CDH1: variants seen among roughly 807,000 people sequenced by gnomAD.
The protein encoded by CDH1 is cadherin-1.
Under a neutral mutation model 84.5 loss-of-function variants are expected in CDH1, and 35 were observed. That is an observed-to-expected ratio of 0.41 (90% CI 0.32 to 0.55). The LOEUF is 0.55. CDH1 is among the 20% of genes least tolerant of loss of function. CDH1 has a pLI of 0.19. For missense variants in CDH1, 994 were observed against 1,126.6 expected (o/e 0.88, Z 1.68); for synonymous variants, 417 against 439.0 (o/e 0.95, Z 0.63).
chr16:68,833,194 G>T (rs1010685390), intron 15 of CDH1, 96 bp from the exon 16 acceptor site: 8 of 998,662 alleles, frequency 8.0e-6, no homozygotes, highest in Middle Eastern at 2.6e-4. Flanking sequence ...AAGTCTGGGT[G>T]CATTGTCGTA....
intron 15 of CDH1, among the ~76,000 whole-genome samples, chr16:68,831,243 T>C (rs1413191409): frequency 7.8e-6 from 1 of 128,278 alleles, no homozygotes; most frequent in Non-Finnish European, 1.6e-5. Flanking sequence ...CAAGCCTGGC[T>C]TTTTTTTTTT....
intron 13 of CDH1, 41 bp downstream of exon 13, chr16:68,823,667 A>T: frequency 7.6e-7 from 1 of 1,316,918 alleles, no homozygotes; most frequent in Non-Finnish European, 1.1e-6. Context: ...TGACTTAAAA[A>T]AATGGAGGAG....
intron 2 of CDH1, among the ~76,000 whole-genome samples, chr16:68,753,617 G>A (rs1027559630): frequency 6.6e-5 from 10 of 152,112 alleles, no homozygotes; most frequent in South Asian, 2.1e-4. Context: ...GATTACAGGC[G>A]TGAGCCACCG....
At chr16:68,756,548 C>T (rs111928009) in intron 2 of CDH1, among the ~76,000 whole-genome samples, 2 of 152,234 alleles carry the variant, frequency 1.3e-5, no homozygotes, top group African/African-American at 4.8e-5. Context: ...CTGTTAGCTT[C>T]GTGCTAAAAG....
In CDH1 at chr16:68,808,832, G is replaced by T. The variant is rs201511530; in HGVS notation, c.671G>T (p.Arg224Leu). 4 of 1,613,860 alleles carry T rather than the reference G, an allele frequency of 2.5e-6. No homozygotes were observed. The highest frequency in any genetic ancestry group is 3.4e-6 in the Non-Finnish European group (4 of 1,179,974). ...GTGACAGAGCCTCTGGATAGAGAACGCATTGCCACATACACTGTAAGTATC... is the reference window on the plus strand; with the variant it reads ...GTGACAGAGCCTCTGGATAGAGAACTCATTGCCACATACACTGTAAGTATC... ...LKVTEPLDRE[R>L]IATYTLFSHA... The change falls in exon 5 of 16, where the codon CGC (arginine) becomes CTC (leucine). Residue 224 changes from arginine (R) to leucine (L), a missense_variant. By Grantham distance (102) the Arg-to-Leu change is moderately radical. Around this residue, in one of 3 missense-constraint regions of CDH1, gnomAD observed 769 missense variants for 881.8 expected, o/e 0.87. Transcript: ENST00000261769.
chr16:68,743,324 TTTC>T (rs1447828727), intron 2 of CDH1, among the ~76,000 whole-genome samples: 87 of 23,544 alleles, frequency 3.7e-3, no homozygotes, highest in Non-Finnish European at 5.3e-3. Context: ...TCTTTCTTTC[TTTC>T]TTTCTTTCTT....
In CDH1 at chr16:68,767,355, C is replaced by T. The variant is rs571934739; in HGVS notation, c.163+28944C>T. On this transcript the variant is annotated intron_variant, in intron 2 of 15. Transcript: ENST00000261769. ...GATTACAGGGGTGTGCCACCATGCC[C>T]GGCTAATTTTTTTTGTATTTTTAGT... Among the ~76,000 whole-genome samples, 610 of 152,128 alleles carry T rather than the reference C, an allele frequency of 4.0e-3. 1 individual carries two copies. The highest frequency in any genetic ancestry group is 0.014 in the African/African-American group (583 of 41,496).
chr16:68,759,496 T>C (rs12444852), intron 2 of CDH1, among the ~76,000 whole-genome samples: 8,150 of 151,550 alleles, frequency 0.054, 312 homozygotes, highest in Non-Finnish European at 0.085. Flanking sequence ...TCTTTTTTTT[T>C]TTTTTTTGGT....
intron 13 of CDH1, among the ~76,000 whole-genome samples, chr16:68,826,380 C>G (rs920497287): frequency 1.3e-5 from 2 of 152,038 alleles, no homozygotes; most frequent in Non-Finnish European, 2.9e-5. Flanking sequence ...CTCTTGAGCT[C>G]AAGTGATCCT....
At chr16:68,793,671 C>T (rs773228054) in intron 2 of CDH1, among the ~76,000 whole-genome samples, 1 of 152,214 alleles carries the variant, frequency 6.6e-6, no homozygotes. Flanking sequence ...GCGGATGGAT[C>T]ACCTGAGGCC....
At chr16:68,775,359 A>G (rs1315497972) in intron 2 of CDH1, among the ~76,000 whole-genome samples, 1 of 152,172 alleles carries the variant, frequency 6.6e-6, no homozygotes, top group Non-Finnish European at 1.5e-5. Flanking sequence ...TCCAACTCTG[A>G]TGGCAAATAT....
intron 5 of CDH1, 72 bp downstream of exon 5, chr16:68,808,920 G>T (rs921765071): frequency 1.4e-6 from 2 of 1,426,086 alleles, no homozygotes; most frequent in South Asian, 1.2e-5. Context: ...ACCCATGCTG[G>T]ATCCGCAGAT....
chr16:68,829,863 A>C, intron 15 of CDH1, 66 bp downstream of exon 15: 3 of 1,522,094 alleles, frequency 2.0e-6, no homozygotes, highest in Non-Finnish European at 2.7e-6. Flanking sequence ...TTGTGTCAAA[A>C]ATGAGAAAAA....
chr16:68,782,943 A>G (rs1432184061), intron 2 of CDH1, among the ~76,000 whole-genome samples: 1 of 152,156 alleles, frequency 6.6e-6, no homozygotes, highest in East Asian at 1.9e-4. Flanking sequence ...TCAAACCACA[A>G]ATAGAATCAG....
At chr16:68,779,456 G>A (rs1300386159) in intron 2 of CDH1, among the ~76,000 whole-genome samples, 3 of 152,360 alleles carry the variant, frequency 2.0e-5, no homozygotes, top group Non-Finnish European at 1.5e-5. Flanking sequence ...TTACCACTGT[G>A]AGTATTGCTT....
intron 1 of CDH1, among the ~76,000 whole-genome samples, 163 bp downstream of exon 1, chr16:68,737,626 C>T (rs1321251517): frequency 2.0e-5 from 3 of 152,220 alleles, no homozygotes; most frequent in African/African-American, 7.2e-5. Context: ...TCCGGACCCC[C>T]CAGTGATGGG....
chr16:68,743,125 G>A (rs1208037769), intron 2 of CDH1, among the ~76,000 whole-genome samples: 1 of 152,050 alleles, frequency 6.6e-6, no homozygotes, highest in East Asian at 1.9e-4. Flanking sequence ...TATTGGGTGA[G>A]GCTTTTCTTC....
intron 12 of CDH1, chr16:68,823,135 C>G (rs1296964981): frequency 2.1e-6 from 1 of 465,452 alleles, no homozygotes; most frequent in Non-Finnish European, 3.9e-6. Flanking sequence ...AAGAGCCCCG[C>G]TCTGCCTAAG....
chr16:68,769,884 T>C (rs1452889013), intron 2 of CDH1, among the ~76,000 whole-genome samples: 1 of 151,868 alleles, frequency 6.6e-6, no homozygotes, highest in Non-Finnish European at 1.5e-5. Context: ...TTCACCGTGT[T>C]AGCCAGGATG....
Sources: gnomAD v4.1 joint callset for allele counts (sites outside exome capture counted in the v4.1 genomes callset) on GRCh38, gnomAD v4.1.1 for gene constraint, gnomAD v4.1.1 regional missense constraint, MANE v1.5 for transcripts, NCBI Gene and HGNC (gene_info 2026-07-23, HGNC 2026-07-21) for gene names.